SP140L: variants seen among roughly 807,000 people sequenced by gnomAD.
SP140L encodes the protein SP140 like nuclear body protein.
In SP140L, 64 loss-of-function variants were observed where a neutral mutation model predicts 84.3. The observed-to-expected ratio is 0.76, with a 90% CI of 0.62 to 0.94. The LOEUF is 0.94. Among genes scored for constraint, SP140L ranks in the 40% least tolerant of loss-of-function variants. The pLI, the probability that SP140L is intolerant of heterozygous loss-of-function variation, is 0.00. For missense variants in SP140L, 628 were observed against 692.5 expected (o/e 0.91, Z 1.05); for synonymous variants, 242 against 236.9 (o/e 1.02, Z -0.20).
intron 2 of SP140L, among the ~76,000 whole-genome samples, chr2:230,352,468 G>A (rs542409558): frequency 1.3e-5 from 2 of 152,116 alleles, no homozygotes; most frequent in South Asian, 4.2e-4. Flanking sequence ...AGAAAGAAAT[G>A]TTACACTTTT....
intron 7 of SP140L, among the ~76,000 whole-genome samples, chr2:230,374,503 A>C (rs1022298685): frequency 6.6e-6 from 1 of 152,206 alleles, no homozygotes; most frequent in African/African-American, 2.4e-5. Context: ...AGAATATATT[A>C]GTTGATAAAG....
At chr2:230,371,108 A>C in intron 6 of SP140L, 141 bp downstream of exon 6, 2 of 682,182 alleles carry the variant, frequency 2.9e-6, no homozygotes, top group East Asian at 2.7e-5. Flanking sequence ...AACTGCAGAG[A>C]GGCAAGAGAT....
intron 17 of SP140L, 49 bp downstream of exon 17, chr2:230,401,492 G>C (rs1439499446): frequency 7.7e-7 from 1 of 1,291,900 alleles, no homozygotes; most frequent in Non-Finnish European, 1.1e-6. Context: ...GACATTACCT[G>C]ACCCTGAAAT....
At chr2:230,383,895 G>A (rs878950920) in intron 8 of SP140L, among the ~76,000 whole-genome samples, 1 of 152,112 alleles carries the variant, frequency 6.6e-6, no homozygotes, top group East Asian at 1.9e-4. Context: ...AAGAAAGCAA[G>A]GTGTATGTGT....
intron 9 of SP140L, among the ~76,000 whole-genome samples, chr2:230,386,900 T>C (rs574745170): frequency 2.0e-5 from 3 of 152,264 alleles, no homozygotes; most frequent in South Asian, 2.1e-4. Context: ...GGCTGGAATA[T>C]AGGAGGGAAA....
chr2:230,328,743 A>G lies in SP140L; in HGVS notation c.33-14A>G, dbSNP rs372064942. The G allele has an allele frequency of 3.1e-6, 5 of 1,610,840 alleles. No homozygotes were observed. In the Middle Eastern group the frequency reaches 4.9e-4, roughly 159 times the overall value. Reference sequence around the variant, plus strand: ...ATTTACTTGTTTATAGATCCTGCCAAATTGTCTTTTTAGGGGGCTGAACGG... The same window carrying G: ...ATTTACTTGTTTATAGATCCTGCCAGATTGTCTTTTTAGGGGGCTGAACGG... On this transcript the variant is annotated splice_polypyrimidine_tract_variant and intron_variant, in intron 1 of 18. Transcript: ENST00000415673.
chr2:230,357,164 A>C (rs540018670), intron 2 of SP140L, among the ~76,000 whole-genome samples: 20 of 152,332 alleles, frequency 1.3e-4, no homozygotes, highest in East Asian at 1.2e-3. Context: ...AAAATGATTA[A>C]CTGTATATAG....
At chr2:230,380,018 A>G (rs1157929727) in intron 7 of SP140L, among the ~76,000 whole-genome samples, 3 of 152,138 alleles carry the variant, frequency 2.0e-5, no homozygotes. Context: ...GTATTAGCCC[A>G]TTTTTACACT....
At chr2:230,345,361 A>G (rs2060176738) in intron 2 of SP140L, among the ~76,000 whole-genome samples, 1 of 152,118 alleles carries the variant, frequency 6.6e-6, no homozygotes, top group African/African-American at 2.4e-5. Context: ...ATCTTTTTCC[A>G]TACCTTCACC....
chr2:230,371,459 T>G, intron 6 of SP140L, 139 bp from the exon 7 acceptor site: 1 of 810,032 alleles, frequency 1.2e-6, no homozygotes, highest in Non-Finnish European at 1.9e-6. Context: ...AGTGGGTTTT[T>G]GGTTCCTCTA....
chr2:230,391,961 G>A (rs537422834), intron 11 of SP140L, 126 bp from the exon 12 acceptor site: 2 of 1,376,198 alleles, frequency 1.5e-6, no homozygotes, highest in Admixed American at 4.0e-5. Context: ...TGAGAGGGAA[G>A]GCCAGACCCT....
intron 2 of SP140L, among the ~76,000 whole-genome samples, chr2:230,355,783 C>A (rs953966882): frequency 2.0e-5 from 3 of 152,146 alleles, no homozygotes; most frequent in Middle Eastern, 3.4e-3. Context: ...CTTCTTAGTA[C>A]ACTAAAGTCA....
intron 7 of SP140L, chr2:230,372,858 T>C (rs1074886): frequency 0.23 from 34,768 of 150,102 alleles, 4,798 homozygotes; most frequent in Non-Finnish European, 0.3. Flanking sequence ...TTGCAGAAAA[T>C]AATTGGCCAA....
intron 2 of SP140L, among the ~76,000 whole-genome samples, chr2:230,344,383 A>G (rs1253255379): frequency 6.6e-6 from 1 of 152,082 alleles, no homozygotes; most frequent in Non-Finnish European, 1.5e-5. Flanking sequence ...ATTTTCCTCC[A>G]TCCCTTGGTT....
intron 12 of SP140L, 34 bp from the exon 13 acceptor site, chr2:230,393,380 G>A: frequency 6.4e-7 from 1 of 1,565,348 alleles, no homozygotes; most frequent in Non-Finnish European, 8.6e-7. Flanking sequence ...AGAAACGCAG[G>A]CTGACTATGT....
chr2:230,337,975 C>A (rs1196795878), intron 2 of SP140L, among the ~76,000 whole-genome samples: 1 of 149,962 alleles, frequency 6.7e-6, no homozygotes, highest in African/African-American at 2.5e-5. Flanking sequence ...CTTGGCAATG[C>A]GGGCTCTTTT....
chr2:230,333,450 G>A (rs904812169), intron 2 of SP140L, among the ~76,000 whole-genome samples: 8 of 152,044 alleles, frequency 5.3e-5, no homozygotes, highest in Admixed American at 2.6e-4. Flanking sequence ...AAGCCACCGC[G>A]CCCGACCCCC....
chr2:230,389,952 T>C lies in SP140L; in HGVS notation c.893T>C (p.Phe298Ser), dbSNP rs767179031. Residue 298 changes from phenylalanine to serine, a missense_variant, in exon 11 of 19, where the codon TTT becomes TCT. Phe to Ser is a radical substitution (Grantham distance 155). Coordinates refer to ENST00000415673, the MANE Select transcript of SP140L (RefSeq NM_138402.6). Reference sequence around the variant, plus strand: ...AAGCACAAAGATGAAACTGTGGATTTTCAGGCTCCTTTACTTCCAGTGACC... The same window carrying C: ...AAGCACAAAGATGAAACTGTGGATTCTCAGGCTCCTTTACTTCCAGTGACC... ...SRKHKDETVDFQAPLLPVTCG... is the reference protein window; with the variant it reads ...SRKHKDETVDSQAPLLPVTCG... 1 of 1,613,882 alleles carries C rather than the reference T, an allele frequency of 6.2e-7. No homozygotes were observed. The highest frequency in any genetic ancestry group is 8.5e-7 in the Non-Finnish European group (1 of 1,179,830).
At chr2:230,402,711 C>T in intron 18 of SP140L, 87 bp from the exon 19 acceptor site, 1 of 1,025,792 alleles carries the variant, frequency 9.7e-7, no homozygotes, top group Non-Finnish European at 1.5e-6. Context: ...TTTTTAAAGA[C>T]AAGAGTCCTG....
Sources: gnomAD v4.1 joint callset for allele counts (sites outside exome capture counted in the v4.1 genomes callset) on GRCh38, gnomAD v4.1.1 for gene constraint, MANE v1.5 for transcripts, NCBI Gene and HGNC (gene_info 2026-07-23, HGNC 2026-07-21) for gene names.